Variants in FBXO21 observed in about 807,000 individuals in gnomAD.
FBXO21 encodes the protein F-box protein 21.
FBXO21 carries 32 observed loss-of-function variants against 76.6 expected under a neutral mutation model. That is an observed-to-expected ratio of 0.42 (90% CI 0.32 to 0.56). FBXO21 has a LOEUF of 0.56. Ranked by LOEUF, FBXO21 falls within the 20% of genes least tolerant of loss-of-function variation. The pLI is 0.16. For synonymous variants in FBXO21, 328 were observed against 311.5 expected, an observed-to-expected ratio of 1.05 and a Z score of -0.56; for missense variants, 586 against 797.3, an observed-to-expected ratio of 0.73 and a Z score of 3.19.
intron 11 of FBXO21, among the ~76,000 whole-genome samples, chr12:117,152,524 G>GA (rs561682078): frequency 7.7e-6 from 1 of 129,868 alleles, no homozygotes; most frequent in Non-Finnish European, 1.8e-5. Flanking sequence ...AAAGTCATAT[G>GA]AAAAAGGGGG....
intron 9 of FBXO21, among the ~76,000 whole-genome samples, chr12:117,163,658 A>AG (rs1254385183): frequency 6.7e-6 from 1 of 150,116 alleles, no homozygotes; most frequent in African/African-American, 2.4e-5. Flanking sequence ...ATAAATAGGC[A>AG]GGGGCTGGGT....
At chr12:117,183,311 C>T (rs947838984) in intron 3 of FBXO21, among the ~76,000 whole-genome samples, 4 of 151,200 alleles carry the variant, frequency 2.6e-5, no homozygotes, top group Admixed American at 6.6e-5. Flanking sequence ...AATGCAATGG[C>T]GCGATCTCGG....
intron 3 of FBXO21, among the ~76,000 whole-genome samples, chr12:117,177,972 T>TGCTTGGGCC (rs1285951015): frequency 5.3e-5 from 8 of 152,168 alleles, no homozygotes; most frequent in African/African-American, 1.9e-4. Flanking sequence ...CTGGTCCCCC[T>TGCTTGGGCC]GCTTGGGCCA....
chr12:117,184,671 T>C (rs1209310060), intron 3 of FBXO21, among the ~76,000 whole-genome samples: 2 of 152,162 alleles, frequency 1.3e-5, no homozygotes, highest in Non-Finnish European at 2.9e-5. Flanking sequence ...GACAATCTCT[T>C]GGACCCAGGA....
intron 5 of FBXO21, 43 bp from the exon 6 acceptor site, chr12:117,174,384 G>C: frequency 6.2e-7 from 1 of 1,606,060 alleles, no homozygotes; most frequent in South Asian, 1.1e-5. Context: ...CACAAAAAAG[G>C]TTGTGACAGG....
At chr12:117,154,133 G>A (rs553202014) in intron 11 of FBXO21, 6 of 152,330 alleles carry the variant, frequency 3.9e-5, no homozygotes, top group African/African-American at 9.6e-5. Context: ...GGCACCAGTG[G>A]CCCAGTGAAT....
At chr12:117,174,892 T>C in intron 4 of FBXO21, 95 bp from the exon 5 acceptor site, 1 of 1,282,300 alleles carries the variant, frequency 7.8e-7, no homozygotes, top group African/African-American at 1.5e-5. Flanking sequence ...CATGGCTCTT[T>C]ACACCATCCC....
In FBXO21 at chr12:117,143,571, G is replaced by C. The variant is rs1955737513; in HGVS notation, c.*2516C>G. Reference sequence around the variant, plus strand: ...AAGTGCAATCTTTGCATGACAACCAGATAATTCTCAAAGGTTACTAGTGAG... The same window carrying C: ...AAGTGCAATCTTTGCATGACAACCACATAATTCTCAAAGGTTACTAGTGAG... On this transcript the variant is annotated 3_prime_UTR_variant, in exon 12 of 12. Coordinates refer to ENST00000622495, the MANE Select transcript of FBXO21 (RefSeq NM_015002.3). The C allele has an allele frequency of 6.6e-6, 1 of 152,218 alleles. No individual in the cohort carries two copies. The highest frequency in any genetic ancestry group is 1.5e-5 in the Non-Finnish European group (1 of 68,042). 9.4% of individuals were successfully genotyped at this position (152,218 alleles called of 1,614,324 possible).
chr12:117,153,994 G>A (rs2135850422), intron 11 of FBXO21, among the ~76,000 whole-genome samples: 1 of 152,252 alleles, frequency 6.6e-6, no homozygotes, highest in African/African-American at 2.4e-5. Context: ...ACCCTAAACA[G>A]TGAATAATGA....
intron 9 of FBXO21, among the ~76,000 whole-genome samples, chr12:117,164,782 T>C (rs2135862858): frequency 6.6e-6 from 1 of 152,312 alleles, no homozygotes; most frequent in East Asian, 1.9e-4. Context: ...CTGTGAGACC[T>C]CAGAATTAAA....
chr12:117,147,763 G>T (rs1049492470), intron 11 of FBXO21, among the ~76,000 whole-genome samples: 4 of 152,174 alleles, frequency 2.6e-5, no homozygotes, highest in Non-Finnish European at 5.9e-5. Flanking sequence ...CTAAGACTGG[G>T]TGTGGCCCCT....
chr12:117,155,628 A>G (rs963494000), intron 11 of FBXO21, 163 bp downstream of exon 11: 8 of 788,772 alleles, frequency 1.0e-5, no homozygotes, highest in African/African-American at 6.9e-5. Flanking sequence ...GTGCAGACCC[A>G]GCCACGTTTA....
At chr12:117,185,724 G>A (rs1183775602) in intron 3 of FBXO21, among the ~76,000 whole-genome samples, 3 of 152,170 alleles carry the variant, frequency 2.0e-5, no homozygotes, top group Non-Finnish European at 4.4e-5. Flanking sequence ...ATTTTGTACC[G>A]CAATTCAGAA....
chr12:117,181,185 G>A (rs565572860), intron 3 of FBXO21, among the ~76,000 whole-genome samples: 1 of 152,138 alleles, frequency 6.6e-6, no homozygotes, highest in Admixed American at 6.5e-5. Flanking sequence ...CATTTTCCAG[G>A]AGATCTCTCA....
intron 9 of FBXO21, among the ~76,000 whole-genome samples, chr12:117,161,160 C>A (rs1374043675): frequency 1.3e-5 from 2 of 152,090 alleles, no homozygotes; most frequent in Non-Finnish European, 2.9e-5. Context: ...TGGCCGCACA[C>A]AGGAACCAGG....
At chr12:117,157,277 T>C (rs1464879403) in intron 10 of FBXO21, among the ~76,000 whole-genome samples, 3 of 151,720 alleles carry the variant, frequency 2.0e-5, no homozygotes, top group Non-Finnish European at 4.4e-5. Flanking sequence ...CCAGTAAATA[T>C]ATGAAAAGAA....
Position 117,190,258 on chromosome 12 carries a change from G to A in FBXO21, c.199C>T (p.Gln67Ter), listed in dbSNP as rs1237925700. The change falls in exon 1 of 12, where the codon CAG becomes TAG. Residue 67 changes from glutamine to a stop codon, truncating the protein, a stop_gained. Coordinates refer to ENST00000622495, the MANE Select transcript of FBXO21 (RefSeq NM_015002.3). LOFTEE classifies it high-confidence loss of function. ...TCCTTCCACACCTTCCCGCTGCTCT[G>A]GCACAGCTCGCGCAGCCGCCGGCAG... ...STCRRLRELC[Q>*]SSGKVWKEQF... 2 of 1,546,272 alleles carry A rather than the reference G, an allele frequency of 1.3e-6. No homozygotes were observed. Among genetic ancestry groups the A allele is most frequent in the Non-Finnish European group, 8.6e-7 (1 of 1,156,548 alleles).
At chr12:117,163,908 C>G (rs1956016178) in intron 9 of FBXO21, among the ~76,000 whole-genome samples, 1 of 152,096 alleles carries the variant, frequency 6.6e-6, no homozygotes, top group Non-Finnish European at 1.5e-5. Flanking sequence ...CGTGCCGCTG[C>G]ACTCCAGCCT....
intron 11 of FBXO21, among the ~76,000 whole-genome samples, chr12:117,152,965 C>T (rs1175924330): frequency 1.3e-5 from 2 of 151,994 alleles, no homozygotes; most frequent in East Asian, 3.9e-4. Context: ...CGGAAGTGGG[C>T]TGGAGTATGT....
Sources: gnomAD v4.1 joint callset for allele counts (sites outside exome capture counted in the v4.1 genomes callset) on GRCh38, gnomAD v4.1.1 for gene constraint, MANE v1.5 for transcripts, NCBI Gene and HGNC (gene_info 2026-07-23, HGNC 2026-07-21) for gene names.